The following SUGCT variants were observed in gnomAD, a reference collection of about 807,000 sequenced individuals.
SUGCT encodes succinyl-CoA:glutarate CoA-transferase.
SUGCT carries 41 observed loss-of-function variants against 55.0 expected under a neutral mutation model. That is an observed-to-expected ratio of 0.74 (90% CI 0.58 to 0.97). SUGCT has a LOEUF of 0.97. SUGCT is among the 50% of genes least tolerant of loss of function. The pLI is 0.00. For synonymous variants in SUGCT, 187 were observed against 200.4 expected, an observed-to-expected ratio of 0.93 and a Z score of 0.56; for missense variants, 568 against 547.8, an observed-to-expected ratio of 1.04 and a Z score of -0.37.
chr7:40,668,852 G>C (rs1801783184), intron 12 of SUGCT, among the ~76,000 whole-genome samples: 1 of 152,150 alleles, frequency 6.6e-6, no homozygotes, highest in South Asian at 2.1e-4. Flanking sequence ...GAAAAACTGT[G>C]AACTCACCCC....
intron 12 of SUGCT, among the ~76,000 whole-genome samples, chr7:40,630,454 G>T (rs535951637): frequency 1.1e-4 from 16 of 152,292 alleles, no homozygotes; most frequent in African/African-American, 3.6e-4. Flanking sequence ...GCGACCAACA[G>T]AAAGGATAAG....
At chr7:40,626,725 A>T (rs1472912969) in intron 12 of SUGCT, among the ~76,000 whole-genome samples, 1 of 152,164 alleles carries the variant, frequency 6.6e-6, no homozygotes. Flanking sequence ...ACACGGGTCC[A>T]AATCCTAGTT....
intron 7 of SUGCT, among the ~76,000 whole-genome samples, chr7:40,247,974 G>A (rs1790017763): frequency 6.6e-6 from 1 of 151,164 alleles, no homozygotes; most frequent in African/African-American, 2.4e-5. Flanking sequence ...TATTCTTCTA[G>A]AAGGTTTATA....
At chr7:40,670,124 C>T (rs556216436) in intron 12 of SUGCT, among the ~76,000 whole-genome samples, 19 of 128,746 alleles carry the variant, frequency 1.5e-4, no homozygotes, top group Admixed American at 3.7e-4. Flanking sequence ...ATGGAAGCTA[C>T]GAGGAAACTG....
chr7:40,874,625 T>C, the SUGCT span, among the ~76,000 whole-genome samples: 1 of 152,174 alleles, frequency 6.6e-6, no homozygotes, highest in Non-Finnish European at 1.5e-5. Flanking sequence ...CGTAAGAATT[T>C]GTGATATACA....
At chr7:40,407,337 A>T (rs1224380934) in intron 9 of SUGCT, among the ~76,000 whole-genome samples, 1 of 152,078 alleles carries the variant, frequency 6.6e-6, no homozygotes, top group Non-Finnish European at 1.5e-5. Context: ...ATAATTCCAG[A>T]TATTTTGTTT....
At chr7:40,591,416 G>C (rs942924133) in intron 12 of SUGCT, among the ~76,000 whole-genome samples, 2 of 152,188 alleles carry the variant, frequency 1.3e-5, no homozygotes, top group East Asian at 3.8e-4. Context: ...AGCAAAGAAA[G>C]CAATTTATTG....
chr7:40,258,651 A>G (rs1790995684), intron 7 of SUGCT, among the ~76,000 whole-genome samples: 1 of 152,242 alleles, frequency 6.6e-6, no homozygotes, highest in Non-Finnish European at 1.5e-5. Context: ...TGCTGGGATT[A>G]TAGGCGTGAG....
intron 8 of SUGCT, among the ~76,000 whole-genome samples, chr7:40,302,711 A>C (rs968909105): frequency 5.9e-5 from 9 of 152,100 alleles, no homozygotes; most frequent in Non-Finnish European, 1.3e-4. Context: ...ACTCAAGATA[A>C]TCTCTTTTTT....
At chr7:40,463,981 A>AC (rs1789958909) in intron 11 of SUGCT, among the ~76,000 whole-genome samples, 1 of 152,164 alleles carries the variant, frequency 6.6e-6, no homozygotes, top group Non-Finnish European at 1.5e-5. Flanking sequence ...AACCTGTGCT[A>AC]CTCACACACC....
chr7:40,296,483 A>C (rs6979118), intron 8 of SUGCT, among the ~76,000 whole-genome samples: 1 of 151,906 alleles, frequency 6.6e-6, no homozygotes, highest in Non-Finnish European at 1.5e-5. Flanking sequence ...GTTGTCAAGT[A>C]CATATTACAT....
chr7:40,412,043 C>A (rs1243530300), intron 9 of SUGCT, among the ~76,000 whole-genome samples: 1 of 152,198 alleles, frequency 6.6e-6, no homozygotes, highest in African/African-American at 2.4e-5. Flanking sequence ...CCTGTTTAAG[C>A]ACTCAAATGT....
At chr7:40,597,147 C>T (rs746499379) in intron 12 of SUGCT, among the ~76,000 whole-genome samples, 1 of 152,170 alleles carries the variant, frequency 6.6e-6, no homozygotes, top group South Asian at 2.1e-4. Context: ...TAATGAATCT[C>T]TGTTTTCCAT....
intron 12 of SUGCT, among the ~76,000 whole-genome samples, chr7:40,514,716 A>G (rs113915309): frequency 0.023 from 3,440 of 148,792 alleles, 12 homozygotes; most frequent in Non-Finnish European, 0.035. Context: ...GTCTCAAAAA[A>G]AAAAAAAAAA....
At chr7:40,903,790 C>A in the SUGCT span, among the ~76,000 whole-genome samples, 4 of 151,968 alleles carry the variant, frequency 2.6e-5, 1 homozygote, top group Admixed American at 2.0e-4. Flanking sequence ...CATCCTCCTA[C>A]CAAAAAGAAA....
chr7:40,574,955 A>T (rs1324263707), intron 12 of SUGCT, among the ~76,000 whole-genome samples: 1 of 152,180 alleles, frequency 6.6e-6, no homozygotes, highest in Non-Finnish European at 1.5e-5. Context: ...AAGTCTGCTG[A>T]GTGGCTAAAT....
chr7:40,903,962 T>TAAGA, the SUGCT span, among the ~76,000 whole-genome samples: 2 of 152,174 alleles, frequency 1.3e-5, no homozygotes, highest in Non-Finnish European at 2.9e-5. Context: ...ATGAACCTCT[T>TAAGA]GGAAGGCAGT....
chr7:40,459,064 C>T, intron 10 of SUGCT, 37 bp from the exon 11 acceptor site: 1 of 1,382,676 alleles, frequency 7.2e-7, no homozygotes, highest in Non-Finnish European at 1.0e-6. Context: ...CAAGAACTAC[C>T]TATTTCTTAT....
the SUGCT span, among the ~76,000 whole-genome samples, chr7:40,929,088 G>A: frequency 2.0e-5 from 3 of 146,700 alleles, 1 homozygote; most frequent in Middle Eastern, 6.5e-3. Context: ...CCCCCAGCCC[G>A]CCACCCCCTG....
Sources: allele counts gnomAD v4.1 joint callset (sites outside exome capture counted in the v4.1 genomes callset), GRCh38; gene constraint gnomAD v4.1.1; transcripts MANE v1.5; gene names NCBI Gene and HGNC (gene_info 2026-07-23, HGNC 2026-07-21).